The following HSF5 variants were observed in gnomAD, a reference collection of about 807,000 sequenced individuals.
The protein encoded by HSF5 is heat shock factor protein 5.
HSF5 carries 5 observed loss-of-function variants against 50.8 expected under a neutral mutation model. That is an observed-to-expected ratio of 0.10 (90% CI 0.05 to 0.21). The LOEUF (loss-of-function observed/expected upper bound fraction) is 0.21. Among genes scored for constraint, HSF5 ranks in the 10% least tolerant of loss-of-function variants. HSF5 has a pLI of 1.00. For synonymous variants in HSF5, 307 were observed against 307.4 expected (o/e 1.00, Z 0.02); for missense variants, 564 against 762.6 (o/e 0.74, Z 3.07).
At chr17:58,480,395 G>C (rs1975080570) in intron 1 of HSF5, 128 bp from the exon 2 acceptor site, 2 of 737,890 alleles carry the variant, frequency 2.7e-6, no homozygotes, top group Non-Finnish European at 3.9e-6. Context: ...GTTTAGGTTT[G>C]GTAAAAACAA....
At chr17:58,466,282 T>G (rs1474090402) in intron 3 of HSF5, among the ~76,000 whole-genome samples, 2 of 152,340 alleles carry the variant, frequency 1.3e-5, no homozygotes, top group East Asian at 3.9e-4. Context: ...ATTTTTGACA[T>G]TTTTCTCCTT....
At chr17:58,457,666 T>C (rs527357973) in intron 5 of HSF5, among the ~76,000 whole-genome samples, 13 of 152,310 alleles carry the variant, frequency 8.5e-5, no homozygotes, top group South Asian at 6.2e-4. Flanking sequence ...AGCCTAAATT[T>C]CCTGATGTTT....
intron 2 of HSF5, among the ~76,000 whole-genome samples, chr17:58,468,394 T>A (rs1364697582): frequency 6.6e-6 from 1 of 152,154 alleles, no homozygotes; most frequent in East Asian, 1.9e-4. Context: ...TAAGACTCTA[T>A]GTACAAAAAA....
chr17:58,427,269 C>A (rs1173571719), intron 5 of HSF5, among the ~76,000 whole-genome samples: 2 of 151,834 alleles, frequency 1.3e-5, no homozygotes, highest in Non-Finnish European at 2.9e-5. Context: ...CAAAATAAAA[C>A]AAAATAAAAA....
At chr17:58,443,499 C>T (rs780071104) in intron 5 of HSF5, among the ~76,000 whole-genome samples, 3 of 152,176 alleles carry the variant, frequency 2.0e-5, no homozygotes, top group Non-Finnish European at 4.4e-5. Context: ...TGCCTGCTCT[C>T]GAGCCCTCTG....
At chr17:58,470,782 C>T (rs894558993) in intron 2 of HSF5, among the ~76,000 whole-genome samples, 9 of 151,954 alleles carry the variant, frequency 5.9e-5, no homozygotes, top group Non-Finnish European at 1.3e-4. Context: ...ATAAATTAGC[C>T]GGGTGTGGTG....
chr17:58,473,367 T>C (rs1974973512), intron 2 of HSF5, among the ~76,000 whole-genome samples: 1 of 152,162 alleles, frequency 6.6e-6, no homozygotes, highest in African/African-American at 2.4e-5. Context: ...TTTGAGTCTA[T>C]TCAGCATTAA....
intron 4 of HSF5, among the ~76,000 whole-genome samples, chr17:58,460,573 G>A (rs951707923): frequency 2.8e-4 from 42 of 150,242 alleles, no homozygotes; most frequent in Admixed American, 9.3e-4. Context: ...GCAGTGGCGC[G>A]ATCTCAGCTC....
intron 5 of HSF5, among the ~76,000 whole-genome samples, chr17:58,441,870 A>G (rs1974502451): frequency 1.3e-5 from 2 of 152,160 alleles, no homozygotes; most frequent in African/African-American, 2.4e-5. Flanking sequence ...TATGTTTCCT[A>G]TTTTTCTCTT....
At chr17:58,435,627 T>C (rs575782666) in intron 5 of HSF5, among the ~76,000 whole-genome samples, 2 of 148,140 alleles carry the variant, frequency 1.4e-5, no homozygotes, top group South Asian at 4.4e-4. Context: ...GAACAGTAAA[T>C]ATTGGCTGGG....
At chr17:58,467,095 T>G (rs1567915203) in intron 2 of HSF5, 116 bp from the exon 3 acceptor site, 2 of 654,924 alleles carry the variant, frequency 3.1e-6, no homozygotes. Context: ...TTCTTTTGTA[T>G]GTCTAACAAA....
intron 5 of HSF5, among the ~76,000 whole-genome samples, chr17:58,424,288 C>T (rs1418425620): frequency 1.3e-5 from 2 of 152,068 alleles, no homozygotes; most frequent in Admixed American, 6.5e-5. Context: ...GTGGTATACA[C>T]ATATAACGGA....
chr17:58,479,260 C>T (rs778503946), intron 2 of HSF5, among the ~76,000 whole-genome samples: 9 of 151,990 alleles, frequency 5.9e-5, no homozygotes, highest in Non-Finnish European at 1.0e-4. Flanking sequence ...AAAAAAACTA[C>T]AGCACCAAGT....
intron 5 of HSF5, among the ~76,000 whole-genome samples, chr17:58,438,485 A>G (rs1171810997): frequency 2.6e-5 from 4 of 152,152 alleles, no homozygotes; most frequent in Admixed American, 2.6e-4. Context: ...GCACATGGTT[A>G]GGACACAGCA....
rs61690847 is a variant in HSF5, at chr17:58,460,510, C to CACACACACAT, written c.1543-1566_1543-1565insATGTGTGTGT. Among the ~76,000 whole-genome samples, 687 of 137,276 alleles carry CACACACACAT rather than the reference C, an allele frequency of 5.0e-3. 1 individual carries two copies. The highest frequency in any genetic ancestry group is 7.5e-3 in the African/African-American group (274 of 36,724). 90.1% of individuals were successfully genotyped at this position (137,276 alleles called of 152,430 possible). ...ACACACACACACACACACACACACA[C>CACACACACAT]ATACTTTTTTTTTTTTTGAGACGGA... On this transcript the variant is annotated intron_variant, in intron 4 of 5. Transcript: ENST00000323777.
At chr17:58,440,999 CACTT>C (rs1974492278) in intron 5 of HSF5, among the ~76,000 whole-genome samples, 1 of 152,116 alleles carries the variant, frequency 6.6e-6, no homozygotes, top group African/African-American at 2.4e-5. Flanking sequence ...ACATAATCAA[CACTT>C]AATCTAATTG....
At chr17:58,425,542 T>C (rs1974283712) in intron 5 of HSF5, among the ~76,000 whole-genome samples, 1 of 114,518 alleles carries the variant, frequency 8.7e-6, no homozygotes, top group African/African-American at 3.4e-5. Flanking sequence ...GCCACTGCAC[T>C]CCAGCCTGGG....
intron 5 of HSF5, among the ~76,000 whole-genome samples, chr17:58,451,963 A>AC (rs1267282106): frequency 4.0e-5 from 6 of 151,404 alleles, no homozygotes; most frequent in African/African-American, 7.3e-5. Flanking sequence ...AAAAAAAAAA[A>AC]AAAGGACGGC....
intron 5 of HSF5, among the ~76,000 whole-genome samples, chr17:58,428,433 G>A (rs976777978): frequency 2.0e-5 from 3 of 152,156 alleles, no homozygotes; most frequent in African/African-American, 7.2e-5. Context: ...GCCGAGGTGG[G>A]CAGATCACGA....
Sources: gnomAD v4.1 joint callset for allele counts (sites outside exome capture counted in the v4.1 genomes callset) on GRCh38, gnomAD v4.1.1 for gene constraint, MANE v1.5 for transcripts, NCBI Gene and HGNC (gene_info 2026-07-23, HGNC 2026-07-21) for gene names.